Variants in TNFRSF21 observed in about 807,000 individuals in gnomAD.
TNFRSF21 encodes the protein tumor necrosis factor receptor superfamily member 21.
A neutral mutation model predicts 45.6 loss-of-function variants in TNFRSF21; 19 were observed. That is an observed-to-expected ratio of 0.42 (90% CI 0.29 to 0.61). TNFRSF21 has a LOEUF of 0.61. Ranked by LOEUF, TNFRSF21 falls within the 20% of genes least tolerant of loss-of-function variation. The pLI is 0.23. For missense variants in TNFRSF21, 737 were observed against 851.5 expected (o/e 0.87, Z 1.67); for synonymous variants, 314 against 335.5 (o/e 0.94, Z 0.70).
At position 47,286,347 on chromosome 6, in the gene TNFRSF21, C is replaced by G. The variant is rs1205341804; in HGVS notation, c.345G>C (p.Trp115Cys). ...KCHDCSQPCP[W>C]PMIEKLPCAA... ...CACAAGGTAATTTCTCAATCATTGG[C>G]CATGGGCATGGCTGACTACAGTCAT... The change falls in exon 2 of 6, where the codon TGG (tryptophan) becomes TGC (cysteine). Residue 115 changes from tryptophan (W) to cysteine (C), a missense_variant. Transcript: ENST00000296861. 1.9e-6 allele frequency: 3 copies of G among 1,614,100 alleles called. No homozygotes were observed. Among genetic ancestry groups the G allele is most frequent in the Non-Finnish European group, 2.5e-6 (3 of 1,180,056 alleles).
At chr6:47,294,848 A>T (rs1338582400) in intron 1 of TNFRSF21, among the ~76,000 whole-genome samples, 2 of 152,096 alleles carry the variant, frequency 1.3e-5, no homozygotes, top group Non-Finnish European at 2.9e-5. Flanking sequence ...TTATTTCTTT[A>T]AAAAAAGATG....
intron 2 of TNFRSF21, 55 bp from the exon 3 acceptor site, chr6:47,284,487 C>A: frequency 6.8e-7 from 1 of 1,478,022 alleles, no homozygotes; most frequent in Non-Finnish European, 8.9e-7. Flanking sequence ...GGGATCTATA[C>A]ATTCCCTCCT....
At chr6:47,240,318 A>G (rs190984589) in intron 4 of TNFRSF21, among the ~76,000 whole-genome samples, 6 of 152,352 alleles carry the variant, frequency 3.9e-5, no homozygotes, top group Non-Finnish European at 5.9e-5. Context: ...TTAAAAGCCC[A>G]TTTGCTAAAT....
In TNFRSF21 at chr6:47,303,999, C is replaced by T. The variant is rs76714126; in HGVS notation, c.96+5417G>A. Among the ~76,000 whole-genome samples, 74 of 152,318 alleles carry T rather than the reference C, an allele frequency of 4.9e-4. No homozygotes were observed. In the East Asian group the frequency reaches 0.011, roughly 23 times the overall value. On this transcript the variant is annotated intron_variant, in intron 1 of 5. Transcript: ENST00000296861. ...TTGTCATTCTGTCAAACAGACATAT[C>T]TTTGCCTAATGGTCCACACTGAGTC...
chr6:47,261,513 C>T (rs942150345), intron 3 of TNFRSF21, among the ~76,000 whole-genome samples: 3 of 152,238 alleles, frequency 2.0e-5, no homozygotes, highest in African/African-American at 7.2e-5. Context: ...GGCCCACACA[C>T]ACCCTAGCCT....
chr6:47,284,363 C>G lies in TNFRSF21; in HGVS notation c.818G>C (p.Gly273Ala), dbSNP rs954125999. Residue 273 changes from glycine to alanine, a missense_variant, in exon 3 of 6, where the codon GGG (glycine) becomes GCG (alanine). Coordinates refer to ENST00000296861, the MANE Select transcript of TNFRSF21 (RefSeq NM_014452.5). The stretch of plus-strand genomic sequence containing the variant: ...TGAGCTTGTGTTGTCAGGGACTGTC[C>G]CTTCCTGGATGCTACTCAGTACCTT... ...RPKVLSSIQE[G>A]TVPDNTSSAR... is the part of the protein sequence containing the mutation. The G allele has an allele frequency of 6.4e-7, 1 of 1,563,922 alleles. No individual in the cohort carries two copies. The highest frequency in any genetic ancestry group is 1.4e-5 in the African/African-American group (1 of 73,432).
intron 4 of TNFRSF21, among the ~76,000 whole-genome samples, chr6:47,238,073 T>C (rs573077878): frequency 5.1e-4 from 78 of 152,252 alleles, no homozygotes; most frequent in African/African-American, 1.8e-3. Context: ...GAAAAAAAGA[T>C]ATATTAACTT....
intron 3 of TNFRSF21, among the ~76,000 whole-genome samples, chr6:47,254,914 T>C (rs1299164414): frequency 6.6e-6 from 1 of 152,244 alleles, no homozygotes; most frequent in Non-Finnish European, 1.5e-5. Flanking sequence ...AAAGTTAGGC[T>C]ACTGGCCCAG....
intron 3 of TNFRSF21, among the ~76,000 whole-genome samples, chr6:47,263,494 G>T (rs1003896746): frequency 1.3e-5 from 2 of 152,156 alleles, no homozygotes; most frequent in Non-Finnish European, 2.9e-5. Flanking sequence ...CCACTGTTTA[G>T]AGGTCAGGAA....
At chr6:47,267,300 A>G (rs1762347794) in intron 3 of TNFRSF21, among the ~76,000 whole-genome samples, 1 of 151,930 alleles carries the variant, frequency 6.6e-6, no homozygotes, top group Admixed American at 6.6e-5. Flanking sequence ...GGGTTTCACC[A>G]TGTTGGCCAG....
At chr6:47,277,065 C>T (rs1006264441) in intron 3 of TNFRSF21, among the ~76,000 whole-genome samples, 1 of 152,184 alleles carries the variant, frequency 6.6e-6, no homozygotes, top group Middle Eastern at 3.2e-3. Context: ...ACGATCTTGG[C>T]TCACTGCAAC....
rs757053021 is a variant in TNFRSF21 at position 47,253,321 on chromosome 6, G to C, written c.1444C>G (p.Leu482Val). 5.0e-6 allele frequency: 8 copies of C among 1,613,944 alleles called. No homozygotes were observed. In the Admixed American group the frequency reaches 1.3e-4, roughly 27 times the overall value. The change falls in exon 4 of 6, where the codon CTG becomes GTG. Residue 482 changes from leucine (L) to valine (V), a missense_variant. Coordinates refer to ENST00000296861, the MANE Select transcript of TNFRSF21 (RefSeq NM_014452.5). ...ACATCGTTTCTCCGGTGCTGGCGCA[G>C]GGCGCTAATTAGCTGGGCGAGGCTG... ...EASLAQLISA[L>V]RQHRRNDVVE... is the part of the protein sequence containing the mutation.
chr6:47,293,445 A>G (rs1295527118), intron 1 of TNFRSF21, among the ~76,000 whole-genome samples: 1 of 152,248 alleles, frequency 6.6e-6, no homozygotes, highest in African/African-American at 2.4e-5. Flanking sequence ...GGATAGTTCC[A>G]AAAGACACCT....
At chr6:47,236,295 C>G (rs1764665362) in intron 4 of TNFRSF21, among the ~76,000 whole-genome samples, 1 of 152,082 alleles carries the variant, frequency 6.6e-6, no homozygotes, top group Non-Finnish European at 1.5e-5. Flanking sequence ...AGCCAGCTGG[C>G]CAGATCACAC....
intron 3 of TNFRSF21, among the ~76,000 whole-genome samples, chr6:47,277,507 T>C (rs1336620212): frequency 6.6e-6 from 1 of 152,110 alleles, no homozygotes; most frequent in Non-Finnish European, 1.5e-5. Context: ...TGGCCAGCAA[T>C]GTCCCAAGCA....
intron 1 of TNFRSF21, among the ~76,000 whole-genome samples, chr6:47,296,720 A>G (rs1031972875): frequency 5.9e-5 from 9 of 152,338 alleles, no homozygotes; most frequent in Non-Finnish European, 1.0e-4. Flanking sequence ...ACACCTGGAG[A>G]TTCCTGGAGG....
intron 3 of TNFRSF21, among the ~76,000 whole-genome samples, chr6:47,263,334 T>C (rs1225001086): frequency 6.6e-6 from 1 of 152,100 alleles, no homozygotes; most frequent in Admixed American, 6.6e-5. Context: ...GGCAGGAGCA[T>C]ATTTCTATCG....
At chr6:47,297,037 T>C (rs929268351) in intron 1 of TNFRSF21, among the ~76,000 whole-genome samples, 1 of 152,150 alleles carries the variant, frequency 6.6e-6, no homozygotes, top group African/African-American at 2.4e-5. Flanking sequence ...ACATCAGATA[T>C]TGGGGGCAGT....
At chr6:47,244,766 A>G (rs2113846417) in intron 4 of TNFRSF21, among the ~76,000 whole-genome samples, 1 of 152,320 alleles carries the variant, frequency 6.6e-6, no homozygotes, top group South Asian at 2.1e-4. Context: ...TCTCCCAAGG[A>G]AATGGTGAAA....
Sources: allele counts gnomAD v4.1 joint callset (sites outside exome capture counted in the v4.1 genomes callset), GRCh38; gene constraint gnomAD v4.1.1; transcripts MANE v1.5; gene names NCBI Gene and HGNC (gene_info 2026-07-23, HGNC 2026-07-21).